The following TRPM3 variants were observed in gnomAD, a reference collection of about 807,000 sequenced individuals.
The protein encoded by TRPM3 is long transient receptor potential channel 3.
Under a neutral mutation model 181.2 loss-of-function variants are expected in TRPM3, and 77 were observed. That is an observed-to-expected ratio of 0.42 (90% CI 0.35 to 0.51). TRPM3 has a LOEUF of 0.51. Among genes scored for constraint, TRPM3 ranks in the 20% least tolerant of loss-of-function variants. The pLI, the probability that TRPM3 is intolerant of heterozygous loss-of-function variation, is 0.01. For synonymous variants in TRPM3, 745 were observed against 796.4 expected (o/e 0.94, Z 1.09); for missense variants, 1,759 against 2,196.7 (o/e 0.80, Z 3.98).
intron 1 of TRPM3, among the ~76,000 whole-genome samples, chr9:71,080,831 T>C (rs1031213786): frequency 1.3e-5 from 2 of 152,212 alleles, no homozygotes; most frequent in African/African-American, 2.4e-5. Flanking sequence ...GGGGCCTGAA[T>C]TTTTGTTTTG....
Position 70,549,644 on chromosome 9 carries a change from T to G in TRPM3, c.3605A>C (p.Lys1202Thr). 6.2e-7 allele frequency: 1 copy of G among 1,611,524 alleles called. No individual in the cohort carries two copies. The highest frequency in any genetic ancestry group is 1.3e-5 in the African/African-American group (1 of 74,942). Residue 1202 changes from lysine to threonine, a missense_variant, in exon 25 of 26, where the codon AAA becomes ACA. By Grantham distance (78) the Lys-to-Thr change is moderately conservative (BLOSUM62 -1). This residue lies in a region of TRPM3 where 96 missense variants were observed against 129.6 expected (regional missense o/e 0.74). Transcript: ENST00000677713. ...KLFITDDELK[K>T]VHDFEEQCIE... ...GCATTGCTCTTCAAAGTCATGTACT[T>G]TCTTGAGCTCATCATCGGTTATGAA...
At chr9:70,696,278 T>C (rs1321984091) in intron 8 of TRPM3, among the ~76,000 whole-genome samples, 1 of 152,224 alleles carries the variant, frequency 6.6e-6, no homozygotes, top group Non-Finnish European at 1.5e-5. Flanking sequence ...TAGGTTCAGG[T>C]TAGTCACGGA....
intron 8 of TRPM3, chr9:70,760,819 A>C (rs557681118): frequency 2.0e-5 from 3 of 152,106 alleles, no homozygotes; most frequent in Admixed American, 2.0e-4. Context: ...CTGAATAAAA[A>C]TACTCCATAC....
chr9:71,349,434 A>G (rs2132655248), intron 1 of TRPM3, among the ~76,000 whole-genome samples: 2 of 152,348 alleles, frequency 1.3e-5, no homozygotes, highest in South Asian at 4.1e-4. Context: ...TAAGACTCAC[A>G]GAGCAATTCA....
intron 9 of TRPM3, among the ~76,000 whole-genome samples, chr9:70,677,538 C>CA (rs2064308313): frequency 6.6e-6 from 1 of 152,252 alleles, no homozygotes; most frequent in African/African-American, 2.4e-5. Context: ...GAATGCTACA[C>CA]AGAGAGGCCA....
intron 1 of TRPM3, among the ~76,000 whole-genome samples, chr9:70,961,815 G>A (rs960758704): frequency 1.3e-5 from 2 of 152,010 alleles, no homozygotes; most frequent in Non-Finnish European, 2.9e-5. Context: ...TTTGGTTTTT[G>A]TAAACTGAGA....
At chr9:70,939,873 T>A (rs1486627185) in intron 1 of TRPM3, among the ~76,000 whole-genome samples, 1 of 152,196 alleles carries the variant, frequency 6.6e-6, no homozygotes, top group Non-Finnish European at 1.5e-5. Context: ...AGGTGGCATG[T>A]AAATAAATTG....
rs532040004 is a variant in TRPM3, at chr9:70,585,799, T to C, written c.3223+5232A>G. 1.8e-4 allele frequency among the ~76,000 whole-genome samples: 27 copies of C among 152,290 alleles called. No homozygotes were observed. In the East Asian group the frequency reaches 4.3e-3, roughly 24 times the overall value. On this transcript the variant is annotated intron_variant, in intron 22 of 25. Transcript: ENST00000677713. ...TCACTTCCCACCTCTACCCCTCTTATGGACTTTCCACATTTTTGCTTGGGA... is the reference window on the plus strand; with the variant it reads ...TCACTTCCCACCTCTACCCCTCTTACGGACTTTCCACATTTTTGCTTGGGA...
intron 1 of TRPM3, among the ~76,000 whole-genome samples, chr9:71,110,221 G>A (rs1441516331): frequency 6.6e-6 from 1 of 152,078 alleles, no homozygotes; most frequent in Admixed American, 6.6e-5. Flanking sequence ...GAATGTTAAA[G>A]GTGGAAAGAA....
At chr9:70,835,761 G>C (rs967558986) in intron 5 of TRPM3, among the ~76,000 whole-genome samples, 1 of 152,032 alleles carries the variant, frequency 6.6e-6, no homozygotes. Context: ...AAAACTCATA[G>C]AACAATGAAA....
intron 24 of TRPM3, among the ~76,000 whole-genome samples, chr9:70,550,457 T>G (rs1228638841): frequency 5.3e-5 from 8 of 152,204 alleles, no homozygotes; most frequent in Non-Finnish European, 1.2e-4. Flanking sequence ...TCTTCATTTT[T>G]TGTTAAGTGA....
intron 8 of TRPM3, among the ~76,000 whole-genome samples, chr9:70,685,642 A>T (rs1396365921): frequency 6.6e-6 from 1 of 152,160 alleles, no homozygotes; most frequent in Non-Finnish European, 1.5e-5. Flanking sequence ...CTTGGACTTA[A>T]GCCATCCTCA....
chr9:71,023,687 G>A (rs1294676505), intron 1 of TRPM3, among the ~76,000 whole-genome samples: 10 of 151,214 alleles, frequency 6.6e-5, no homozygotes, highest in Non-Finnish European at 1.3e-4. Context: ...ATGTCTCCAG[G>A]GGATGATGCT....
At chr9:70,984,758 G>A (rs1164565484) in intron 1 of TRPM3, among the ~76,000 whole-genome samples, 2 of 152,192 alleles carry the variant, frequency 1.3e-5, no homozygotes, top group South Asian at 2.1e-4. Flanking sequence ...AAGCCCTGCT[G>A]ATGCCTTCAT....
intron 15 of TRPM3, among the ~76,000 whole-genome samples, chr9:70,620,967 G>C (rs2063523804): frequency 6.7e-6 from 1 of 148,838 alleles, no homozygotes; most frequent in Admixed American, 6.7e-5. Context: ...TAACCTCATG[G>C]TGGAATTTTC....
intron 1 of TRPM3, among the ~76,000 whole-genome samples, chr9:70,984,378 GT>G (rs2097398446): frequency 6.6e-6 from 1 of 152,172 alleles, no homozygotes; most frequent in African/African-American, 2.4e-5. Flanking sequence ...CAATTATTTG[GT>G]TAAATTTGTG....
intron 1 of TRPM3, among the ~76,000 whole-genome samples, chr9:71,167,936 G>A (rs1341440067): frequency 6.6e-6 from 1 of 152,156 alleles, no homozygotes; most frequent in Admixed American, 6.5e-5. Context: ...GCTGTATAAT[G>A]TTATGACAAA....
intron 1 of TRPM3, among the ~76,000 whole-genome samples, chr9:71,293,738 G>C (rs1243676732): frequency 6.6e-6 from 1 of 151,920 alleles, no homozygotes; most frequent in African/African-American, 2.4e-5. Flanking sequence ...ATATTTTCAT[G>C]TAGGAGTAAA....
At chr9:70,930,541 A>C (rs2993024) in intron 1 of TRPM3, among the ~76,000 whole-genome samples, 28,261 of 152,108 alleles carry the variant, frequency 0.19, 4,114 homozygotes, top group African/African-American at 0.41. Flanking sequence ...TAAGTCACAG[A>C]ATCTTAGTAT....
Sources: allele counts gnomAD v4.1 joint callset (sites outside exome capture counted in the v4.1 genomes callset), GRCh38; gene constraint gnomAD v4.1.1; regional missense constraint gnomAD v4.1.1; transcripts MANE v1.5; gene names NCBI Gene and HGNC (gene_info 2026-07-23, HGNC 2026-07-21).